GLIS1: variants seen among roughly 807,000 people sequenced by gnomAD.
GLIS1 encodes the protein zinc finger protein GLIS1.
A neutral mutation model predicts 63.8 loss-of-function variants in GLIS1; 24 were observed. The ratio of observed to expected loss-of-function variants is 0.38; its 90% confidence interval spans 0.27 to 0.53. The LOEUF is 0.53. Ranked by LOEUF, GLIS1 falls within the 20% of genes least tolerant of loss-of-function variation. GLIS1 has a pLI of 0.85. For synonymous variants in GLIS1, 450 were observed against 482.5 expected (o/e 0.93, Z 0.88); for missense variants, 1,036 against 1,074.1 (o/e 0.96, Z 0.50).
chr1:53,532,195 C>T (rs574739963), intron 4 of GLIS1, among the ~76,000 whole-genome samples: 39 of 152,308 alleles, frequency 2.6e-4, no homozygotes, highest in Non-Finnish European at 5.4e-4. Flanking sequence ...CTAGGAAGAC[C>T]TCTCTGGCTG....
chr1:53,690,810 G>A (rs1646395908), intron 2 of GLIS1, among the ~76,000 whole-genome samples: 1 of 152,182 alleles, frequency 6.6e-6, no homozygotes, highest in Admixed American at 6.5e-5. Flanking sequence ...AACTGTCCAA[G>A]GGTGTGGCTG....
chr1:53,519,900 G>A (rs966707856), intron 7 of GLIS1, among the ~76,000 whole-genome samples: 3 of 152,214 alleles, frequency 2.0e-5, no homozygotes, highest in South Asian at 4.1e-4. Context: ...TCCTCCCTGC[G>A]GATGATCCTG....
At chr1:53,614,792 G>T (rs186735494) in intron 2 of GLIS1, among the ~76,000 whole-genome samples, 12 of 136,402 alleles carry the variant, frequency 8.8e-5, no homozygotes, top group Non-Finnish European at 1.6e-4. Flanking sequence ...TCTCTCACAC[G>T]CACACACACG....
At chr1:53,683,942 AT>A in intron 2 of GLIS1, among the ~76,000 whole-genome samples, 1 of 152,160 alleles carries the variant, frequency 6.6e-6, no homozygotes, top group South Asian at 2.1e-4. Flanking sequence ...AGCTCGGACA[AT>A]TTTATGGAGC....
At chr1:53,597,910 G>GAA (rs75177515) in intron 3 of GLIS1, among the ~76,000 whole-genome samples, 16 of 151,400 alleles carry the variant, frequency 1.1e-4, no homozygotes, top group East Asian at 3.9e-4. Flanking sequence ...TCTAGCAAAA[G>GAA]AAAAAAAAAT....
intron 6 of GLIS1, among the ~76,000 whole-genome samples, chr1:53,522,206 AT>A (rs1644417331): frequency 6.6e-6 from 1 of 152,276 alleles, no homozygotes; most frequent in Non-Finnish European, 1.5e-5. Flanking sequence ...AGCATTTCTA[AT>A]TTTCTCTGAA....
At chr1:53,577,413 C>T (rs1366922319) in intron 4 of GLIS1, among the ~76,000 whole-genome samples, 1 of 152,226 alleles carries the variant, frequency 6.6e-6, no homozygotes, top group Non-Finnish European at 1.5e-5. Context: ...ACCTGTCCCT[C>T]CTGATTCTCT....
chr1:53,529,762 C>G, intron 5 of GLIS1, 29 bp downstream of exon 5: 1 of 1,601,494 alleles, frequency 6.2e-7, no homozygotes, highest in Non-Finnish European at 8.5e-7. Context: ...TCCTCCACCC[C>G]GCCCTGGGCC....
At chr1:53,662,458 G>A (rs1646039066) in intron 2 of GLIS1, among the ~76,000 whole-genome samples, 1 of 152,114 alleles carries the variant, frequency 6.6e-6, no homozygotes, top group Non-Finnish European at 1.5e-5. Flanking sequence ...CCATTATCAT[G>A]ATGATGATGG....
chr1:53,540,468 G>A (rs1447065389), intron 4 of GLIS1, among the ~76,000 whole-genome samples: 1 of 152,144 alleles, frequency 6.6e-6, no homozygotes, highest in Non-Finnish European at 1.5e-5. Flanking sequence ...TCCTCTTCCT[G>A]TGAGCCTCAG....
chr1:53,633,150 GTGTGTATGAGTGTGACCGAGGGGCA>G (rs1293663718), intron 2 of GLIS1, among the ~76,000 whole-genome samples: 56 of 147,208 alleles, frequency 3.8e-4, no homozygotes, highest in African/African-American at 1.3e-3. Flanking sequence ...ACTGAGGGGC[GTGTGTATGAGTGTGACCGAGGGGCA>G]TGTGAATGTG....
intron 2 of GLIS1, among the ~76,000 whole-genome samples, chr1:53,641,201 T>C (rs1645783702): frequency 6.6e-6 from 1 of 152,082 alleles, no homozygotes; most frequent in South Asian, 2.1e-4. Context: ...ATACAAAAGG[T>C]GCTCATCCTC....
intron 2 of GLIS1, among the ~76,000 whole-genome samples, chr1:53,687,332 GGAAA>G (rs1018178737): frequency 2.6e-5 from 4 of 152,262 alleles, no homozygotes; most frequent in African/African-American, 7.2e-5. Context: ...GGTGGGCAGT[GGAAA>G]GAAAGAAAGA....
At chr1:53,676,847 C>T (rs1646218170) in intron 2 of GLIS1, among the ~76,000 whole-genome samples, 1 of 152,142 alleles carries the variant, frequency 6.6e-6, no homozygotes, top group African/African-American at 2.4e-5. Context: ...GTTCTAATAC[C>T]CCCTTGAATT....
intron 2 of GLIS1, among the ~76,000 whole-genome samples, chr1:53,663,940 C>CA (rs1553134838): frequency 6.6e-6 from 1 of 151,942 alleles, no homozygotes; most frequent in Non-Finnish European, 1.5e-5. Context: ...AAAGACTAGC[C>CA]GGGGGGCTCT....
intron 2 of GLIS1, among the ~76,000 whole-genome samples, chr1:53,602,735 G>A (rs1416882418): frequency 2.6e-5 from 4 of 152,180 alleles, no homozygotes; most frequent in African/African-American, 7.2e-5. Flanking sequence ...GGGTCTGTAA[G>A]AAGCAGGGCC....
intron 2 of GLIS1, among the ~76,000 whole-genome samples, chr1:53,607,926 G>A (rs148482197): frequency 1.3e-4 from 19 of 151,842 alleles, no homozygotes; most frequent in South Asian, 4.2e-4. Flanking sequence ...GTGTGGGCAC[G>A]GAGAAAGTAG....
At chr1:53,524,097 C>T (rs1644438700) in intron 6 of GLIS1, among the ~76,000 whole-genome samples, 1 of 152,238 alleles carries the variant, frequency 6.6e-6, no homozygotes, top group Non-Finnish European at 1.5e-5. Flanking sequence ...CAGCATAAAC[C>T]GTCATTTACT....
intron 2 of GLIS1, among the ~76,000 whole-genome samples, chr1:53,650,992 TA>T (rs1188789572): frequency 6.6e-6 from 1 of 152,244 alleles, no homozygotes; most frequent in Non-Finnish European, 1.5e-5. Context: ...GTGGCGTTTC[TA>T]AAATGCTAGT....
Sources: allele counts gnomAD v4.1 joint callset (sites outside exome capture counted in the v4.1 genomes callset), GRCh38; gene constraint gnomAD v4.1.1; transcripts MANE v1.5; gene names NCBI Gene and HGNC (gene_info 2026-07-23, HGNC 2026-07-21).